ACADSB: variants seen among roughly 807,000 people sequenced by gnomAD.
ACADSB encodes the protein short/branched chain specific acyl-CoA dehydrogenase, mitochondrial.
Under a neutral mutation model 54.1 loss-of-function variants are expected in ACADSB, and 40 were observed. The ratio of observed to expected loss-of-function variants is 0.74; its 90% CI spans 0.57 to 0.96. ACADSB has a LOEUF of 0.96. ACADSB is among the 40% of genes least tolerant of loss of function. The pLI, the probability that ACADSB is intolerant of heterozygous loss-of-function variation, is 0.00. For synonymous variants in ACADSB, 182 were observed against 182.8 expected, an observed-to-expected ratio of 1.00 and a Z score of 0.03; for missense variants, 530 against 510.4, an observed-to-expected ratio of 1.04 and a Z score of -0.37.
intron 1 of ACADSB, among the ~76,000 whole-genome samples, chr10:123,026,885 G>GT (rs1293234428): frequency 3.3e-5 from 5 of 152,066 alleles, no homozygotes; most frequent in Non-Finnish European, 5.9e-5. Flanking sequence ...AAAGAAACAG[G>GT]TTGCCTATGG....
At chr10:123,043,779 A>AT (rs1487019119) in intron 6 of ACADSB, among the ~76,000 whole-genome samples, 1 of 151,952 alleles carries the variant, frequency 6.6e-6, no homozygotes, top group Non-Finnish European at 1.5e-5. Context: ...TTACTTTCCC[A>AT]TTTCTTTCTC....
chr10:123,030,632 A>G (rs949498043), intron 1 of ACADSB, among the ~76,000 whole-genome samples: 17 of 152,232 alleles, frequency 1.1e-4, no homozygotes, highest in Middle Eastern at 6.8e-3. Context: ...AGGAGACAAC[A>G]CAATATCTCT....
chr10:123,045,171 A>ATATATATATATTTTATTT (rs1850544144), intron 7 of ACADSB, among the ~76,000 whole-genome samples: 2 of 15,374 alleles, frequency 1.3e-4, no homozygotes, highest in African/African-American at 2.9e-4. Context: ...ATATATATAT[A>ATATATATATATTTTATTT]TTTTTTTTTT....
rs1850648539 is a variant in ACADSB at position 123,052,764 on chromosome 10, G to A, written c.1129-297G>A. The A allele has an allele frequency of 5.1e-6, 2 of 390,120 alleles. No homozygotes were observed. Among genetic ancestry groups the A allele is most frequent in the South Asian group, 4.5e-5 (2 of 44,282 alleles). 24.2% of individuals were successfully genotyped at this position (390,120 alleles called of 1,614,324 possible). On this transcript the variant is annotated intron_variant, in intron 9 of 10. Coordinates refer to ENST00000358776, the MANE Select transcript of ACADSB (RefSeq NM_001609.4). The surrounding 1 kb of genome is among the most constrained non-coding windows in gnomAD (Gnocchi z 4.2). ...GGTCCTCAGCTTGAAATGTCCCTTA[G>A]CTCGTCCGTTAGGCCCCCAGTAAAC...
At position 123,045,148 on chromosome 10, in the gene ACADSB, TATATATATATATATATA is replaced by T. The variant is rs1564752884; in HGVS notation, c.900+664_900+680del. Among the ~76,000 whole-genome samples, 5 of 10,884 alleles carry T rather than the reference TATATATATATATATATA, an allele frequency of 4.6e-4. 1 individual carries two copies. Among genetic ancestry groups the T allele is most frequent in the African/African-American group, 1.9e-3 (5 of 2,632 alleles). 7.1% of individuals were successfully genotyped at this position (10,884 alleles called of 152,430 possible). A position where few individuals can be genotyped will look rare whatever the true frequency, so the allele number is the denominator to read the frequency against. ...TGTAGAGTGTATATATATATATATA[TATATATATATATATATA>T]TATATATTTTTTTTTTTTTTTTTTT... On this transcript the variant is annotated intron_variant, in intron 7 of 10. Coordinates refer to ENST00000358776, the MANE Select transcript of ACADSB (RefSeq NM_001609.4).
chr10:123,041,915 C>A (rs1333792748), intron 5 of ACADSB, among the ~76,000 whole-genome samples: 1 of 151,538 alleles, frequency 6.6e-6, no homozygotes, highest in Non-Finnish European at 1.5e-5. Flanking sequence ...GGAGGACCAA[C>A]TGTTACTTAG....
Position 123,053,845 on chromosome 10 carries a change from T to C in ACADSB, c.*80T>C, listed in dbSNP as rs1850668160. On this transcript the variant is annotated 3_prime_UTR_variant, in exon 11 of 11. Coordinates refer to ENST00000358776, the MANE Select transcript of ACADSB (RefSeq NM_001609.4). ...TTGTGTCTTGTTGGGAGTAAGTGCC[T>C]TGCGTGGGAATAAACTTCCACAGCA... 9 of 1,257,472 alleles carry C rather than the reference T, an allele frequency of 7.2e-6. No individual in the cohort carries two copies. In the South Asian group the frequency reaches 1.1e-4, roughly 15 times the overall value. The allele number at this position is 1,257,472 out of a possible 1,614,324, so 77.9% of individuals were successfully genotyped here.
chr10:123,020,002 A>G (rs1850163620), intron 1 of ACADSB, among the ~76,000 whole-genome samples: 1 of 152,138 alleles, frequency 6.6e-6, no homozygotes, highest in Non-Finnish European at 1.5e-5. Context: ...AGGGAAGGAA[A>G]AAAATTTTCA....
rs759224009 is a variant in ACADSB, at chr10:123,045,131, GTATATATATATATATATATATATATATA to G, written c.900+660_900+687del. Among the ~76,000 whole-genome samples, 22 of 26,886 alleles carry G rather than the reference GTATATATATATATATATATATATATATA, an allele frequency of 8.2e-4. 1 individual carries two copies. The highest frequency in any genetic ancestry group is 3.2e-3 in the Admixed American group (4 of 1,250). The allele number at this position is 26,886 out of a possible 152,430, so 17.6% of individuals were successfully genotyped here. ...TACTTTAGTGTCAGTTTTGTAGAGT[GTATATATATATATATATATATATATATA>G]TATATATATATATTTTTTTTTTTTT... On this transcript the variant is annotated intron_variant, in intron 7 of 10. Transcript: ENST00000358776.
chr10:123,044,305 T>C (rs1850519971), intron 6 of ACADSB, 88 bp from the exon 7 acceptor site: 1 of 1,164,324 alleles, frequency 8.6e-7, no homozygotes, highest in African/African-American at 1.5e-5. Flanking sequence ...AGCACACGAA[T>C]TGAGAGTCTA....
At chr10:123,009,835 T>G (rs1849990348) in intron 1 of ACADSB, among the ~76,000 whole-genome samples, 2 of 152,272 alleles carry the variant, frequency 1.3e-5, no homozygotes, top group South Asian at 4.1e-4. Context: ...TTATATAGCA[T>G]GCTTTTCAGA....
intron 1 of ACADSB, among the ~76,000 whole-genome samples, chr10:123,018,750 G>A (rs377100869): frequency 2.0e-5 from 3 of 152,276 alleles, no homozygotes; most frequent in East Asian, 3.9e-4. Flanking sequence ...GCAAAGGCAC[G>A]TCTTACATAG....
chr10:123,030,716 A>G (rs12265837), intron 1 of ACADSB, among the ~76,000 whole-genome samples: 45,204 of 151,914 alleles, frequency 0.3, 7,960 homozygotes, highest in Non-Finnish European at 0.39. Context: ...GTTTAGAGCA[A>G]TACTTCATTA....
At chr10:123,049,542 T>C in intron 8 of ACADSB, among the ~76,000 whole-genome samples, 1 of 152,202 alleles carries the variant, frequency 6.6e-6, no homozygotes, top group East Asian at 1.9e-4. Flanking sequence ...TCAGAATCTC[T>C]GAGTTCCACA....
At chr10:123,025,617 A>G (rs1850241471) in intron 1 of ACADSB, among the ~76,000 whole-genome samples, 1 of 152,212 alleles carries the variant, frequency 6.6e-6, no homozygotes, top group South Asian at 2.1e-4. Flanking sequence ...ATTTGTATAA[A>G]GCTCCTGGAA....
chr10:123,028,004 TA>T (rs1418517258), intron 1 of ACADSB, among the ~76,000 whole-genome samples: 1 of 152,202 alleles, frequency 6.6e-6, no homozygotes, highest in East Asian at 1.9e-4. Flanking sequence ...CCACTTCTTA[TA>T]ATAATTAAGT....
chr10:123,032,132 A>T (rs945160003), intron 1 of ACADSB, among the ~76,000 whole-genome samples: 2 of 151,922 alleles, frequency 1.3e-5, no homozygotes, highest in East Asian at 3.9e-4. Context: ...GTTGCCTGCC[A>T]CCGCACCTAG....
intron 1 of ACADSB, among the ~76,000 whole-genome samples, chr10:123,027,362 A>G (rs527437645): frequency 6.6e-6 from 1 of 152,318 alleles, no homozygotes; most frequent in African/African-American, 2.4e-5. Flanking sequence ...CTCAACTTGA[A>G]TTGTATCTGC....
chr10:123,017,526 C>A (rs961312360), intron 1 of ACADSB, among the ~76,000 whole-genome samples: 1 of 152,206 alleles, frequency 6.6e-6, no homozygotes, highest in Non-Finnish European at 1.5e-5. Context: ...CCATCTTGGT[C>A]AGGCTGGTCT....
Sources: gnomAD v4.1 joint callset for allele counts (sites outside exome capture counted in the v4.1 genomes callset) on GRCh38, gnomAD v4.1.1 for gene constraint, Gnocchi (gnomAD v3.1) non-coding constraint, MANE v1.5 for transcripts, NCBI Gene and HGNC (gene_info 2026-07-23, HGNC 2026-07-21) for gene names.